The following ATP13A4 variants were observed in gnomAD, a reference collection of about 807,000 sequenced individuals.
ATP13A4 encodes the protein ATPase 13A4, also known as probable cation-transporting ATPase 13A4.
Under a neutral mutation model 142.5 loss-of-function variants are expected in ATP13A4, and 114 were observed. That is an observed-to-expected ratio of 0.80 (90% CI 0.69 to 0.93). ATP13A4 has a LOEUF of 0.93. ATP13A4 is among the 40% of genes least tolerant of loss of function. The pLI is 0.00. For synonymous variants in ATP13A4, 488 were observed against 514.8 expected, an observed-to-expected ratio of 0.95 and a Z score of 0.70; for missense variants, 1,392 against 1,454.0, an observed-to-expected ratio of 0.96 and a Z score of 0.69.
chr3:193,402,958 T>C, intron 29 of ATP13A4, 94 bp from the exon 30 acceptor site: 1 of 1,118,236 alleles, frequency 8.9e-7, no homozygotes, highest in Non-Finnish European at 1.3e-6. Context: ...ACTGCAATGG[T>C]TGCTTAGATC....
intron 1 of ATP13A4, among the ~76,000 whole-genome samples, chr3:193,544,442 G>A (rs1055811104): frequency 3.3e-5 from 5 of 151,948 alleles, no homozygotes; most frequent in African/African-American, 1.2e-4. Context: ...GATACAAAGG[G>A]ATTACCTAAG....
chr3:193,589,728 A>G (rs922688445), intron 1 of ATP13A4, among the ~76,000 whole-genome samples: 3 of 152,158 alleles, frequency 2.0e-5, no homozygotes, highest in African/African-American at 7.2e-5. Flanking sequence ...AGAGTATAAA[A>G]GGGTTTACAA....
intron 1 of ATP13A4, among the ~76,000 whole-genome samples, chr3:193,585,937 T>C (rs1456800868): frequency 6.6e-6 from 1 of 152,220 alleles, no homozygotes; most frequent in African/African-American, 2.4e-5. Flanking sequence ...TCGTGCCATT[T>C]TACATTCCTG....
chr3:193,476,899 G>C (rs1271930616), intron 8 of ATP13A4, among the ~76,000 whole-genome samples: 1 of 152,006 alleles, frequency 6.6e-6, no homozygotes, highest in African/African-American at 2.4e-5. Context: ...AAATATCACT[G>C]ATCACAGATT....
intron 2 of ATP13A4, among the ~76,000 whole-genome samples, chr3:193,507,026 AT>A (rs1349372975): frequency 6.6e-6 from 1 of 152,236 alleles, no homozygotes; most frequent in East Asian, 1.9e-4. Context: ...TAAAAGCAAT[AT>A]AATGGTTGCT....
intron 2 of ATP13A4, among the ~76,000 whole-genome samples, chr3:193,507,687 G>C (rs944988489): frequency 2.0e-5 from 3 of 152,160 alleles, no homozygotes; most frequent in Admixed American, 6.5e-5. Context: ...TTTTCTGAGG[G>C]GAAATGGAGC....
intron 3 of ATP13A4, among the ~76,000 whole-genome samples, chr3:193,496,791 AAAATACAT>A (rs1264802078): frequency 7.3e-6 from 1 of 137,618 alleles, no homozygotes; most frequent in Non-Finnish European, 1.5e-5. Context: ...ACTCTGTCTC[AAAATACAT>A]AAATAAATAA....
At chr3:193,578,985 C>T (rs1724470673) in intron 2 of ATP13A4, 1 of 209,784 alleles carries the variant, frequency 4.8e-6, no homozygotes, top group Non-Finnish European at 1.0e-5. Flanking sequence ...AGTTTTTTCA[C>T]ACCCTGTGTG....
chr3:193,492,047 T>C (rs1719973235), intron 5 of ATP13A4, among the ~76,000 whole-genome samples: 1 of 152,212 alleles, frequency 6.6e-6, no homozygotes, highest in African/African-American at 2.4e-5. Flanking sequence ...ATGCTCAGAT[T>C]AAATAGCTTG....
At chr3:193,463,780 T>TA (rs1718100812) in intron 12 of ATP13A4, among the ~76,000 whole-genome samples, 2 of 152,250 alleles carry the variant, frequency 1.3e-5, no homozygotes, top group South Asian at 4.1e-4. Flanking sequence ...TGTCATTTCT[T>TA]ACATTGCTAG....
intron 1 of ATP13A4, among the ~76,000 whole-genome samples, chr3:193,549,381 GAAC>G (rs1334632023): frequency 6.6e-6 from 1 of 150,592 alleles, no homozygotes; most frequent in Non-Finnish European, 1.5e-5. Context: ...AACACAACTT[GAAC>G]ATTGAAATGG....
chr3:193,556,279 CA>C (rs1466503552), upstream of ATP13A4, among the ~76,000 whole-genome samples: 1 of 152,118 alleles, frequency 6.6e-6, no homozygotes, highest in Non-Finnish European at 1.5e-5. Flanking sequence ...TCACCATGTC[CA>C]CTGTCTGTCC....
chr3:193,529,731 G>A (rs1485784274), intron 1 of ATP13A4, among the ~76,000 whole-genome samples: 1 of 152,154 alleles, frequency 6.6e-6, no homozygotes, highest in Non-Finnish European at 1.5e-5. Flanking sequence ...ACAGAGGAAT[G>A]ATAACAGTAG....
At chr3:193,582,393 C>T (rs1344779399) in intron 1 of ATP13A4, among the ~76,000 whole-genome samples, 11 of 149,060 alleles carry the variant, frequency 7.4e-5, no homozygotes, top group East Asian at 3.9e-4. Flanking sequence ...GTGATCCGTC[C>T]GCCTCAGCCT....
At chr3:193,416,789 G>C (rs1715087504) in intron 25 of ATP13A4, among the ~76,000 whole-genome samples, 1 of 152,106 alleles carries the variant, frequency 6.6e-6, no homozygotes. Flanking sequence ...AGAAGAGAAA[G>C]AGACAAAAAG....
chr3:193,542,501 A>G (rs974890291), intron 1 of ATP13A4, among the ~76,000 whole-genome samples: 18 of 152,178 alleles, frequency 1.2e-4, no homozygotes, highest in Non-Finnish European at 2.4e-4. Flanking sequence ...ACCCAAAAAA[A>G]AAAGAGTCCC....
rs573127134 is a variant in ATP13A4 at position 193,417,767 on chromosome 3, C to T, written c.2843-3017G>A. Among the ~76,000 whole-genome samples, 552 of 138,596 alleles carry T rather than the reference C, an allele frequency of 4.0e-3. 27 individuals are homozygous for T. The highest frequency in any genetic ancestry group is 0.013 in the African/African-American group (490 of 37,242). 90.9% of individuals were successfully genotyped at this position (138,596 alleles called of 152,430 possible). On this transcript the variant is annotated intron_variant, in intron 25 of 29. Transcript: ENST00000342695. ...TCGGGAGGCCGAGGCAGGTGGATCA[C>T]GAGGTCAGGAGATCGAGACCATCCT... is the stretch of plus-strand genomic sequence containing the variant.
intron 2 of ATP13A4, among the ~76,000 whole-genome samples, chr3:193,578,252 C>A (rs936200852): frequency 6.6e-6 from 1 of 151,878 alleles, no homozygotes; most frequent in African/African-American, 2.4e-5. Flanking sequence ...AAGATCACAC[C>A]ATTGCACTCT....
chr3:193,447,665 T>C (rs1168139558), intron 18 of ATP13A4, among the ~76,000 whole-genome samples: 1 of 152,232 alleles, frequency 6.6e-6, no homozygotes, highest in East Asian at 1.9e-4. Context: ...ATTTCACACA[T>C]TTCTCTTGTG....
Sources: allele counts gnomAD v4.1 joint callset (sites outside exome capture counted in the v4.1 genomes callset), GRCh38; gene constraint gnomAD v4.1.1; transcripts MANE v1.5; gene names NCBI Gene and HGNC (gene_info 2026-07-23, HGNC 2026-07-21).